The following CCDC201 variants were observed in gnomAD, a reference collection of about 807,000 sequenced individuals.
CCDC201 encodes the protein coiled-coil domain-containing protein 201.
chr7:45,884,951 G>C, the CCDC201 span, among the ~76,000 whole-genome samples: 1 of 152,160 alleles, frequency 6.6e-6, no homozygotes, highest in Admixed American at 6.5e-5. Flanking sequence ...TGCGGTCACT[G>C]TTGGGTGAGG....
chr7:45,870,424 A>G (rs1291218902), intron 1 of CCDC201, among the ~76,000 whole-genome samples: 1 of 152,238 alleles, frequency 6.6e-6, no homozygotes, highest in African/African-American at 2.4e-5. Context: ...CCAACTACAC[A>G]TTGCATACAG....
At chr7:45,863,672 G>A (rs1786629955) in intron 2 of CCDC201, among the ~76,000 whole-genome samples, 2 of 152,184 alleles carry the variant, frequency 1.3e-5, no homozygotes, top group African/African-American at 2.4e-5. Flanking sequence ...TAAACACGAT[G>A]CCAGGATGGA....
At chr7:45,875,340 C>T (rs996716891), upstream of CCDC201, among the ~76,000 whole-genome samples, 1 of 147,074 alleles carries the variant, frequency 6.8e-6, no homozygotes, top group Non-Finnish European at 1.5e-5. Flanking sequence ...ACTGAAAATA[C>T]AAAAATTAGC....
the CCDC201 span, among the ~76,000 whole-genome samples, chr7:45,879,620 A>G: frequency 6.6e-6 from 1 of 152,170 alleles, no homozygotes. Context: ...GTGTTAAACA[A>G]TTAGGAACTG....
At chr7:45,876,646 AG>A (rs1307650353), upstream of CCDC201, among the ~76,000 whole-genome samples, 2 of 152,260 alleles carry the variant, frequency 1.3e-5, no homozygotes, top group Non-Finnish European at 1.5e-5. Flanking sequence ...GGGCAGTGTA[AG>A]GATATTTTGT....
At chr7:45,867,155 G>T (rs572535075) in intron 1 of CCDC201, among the ~76,000 whole-genome samples, 3 of 152,214 alleles carry the variant, frequency 2.0e-5, no homozygotes, top group Admixed American at 2.0e-4. Flanking sequence ...TGCCTCTGCA[G>T]TGCCCCTTGA....
At chr7:45,883,270 G>C in the CCDC201 span, among the ~76,000 whole-genome samples, 2 of 151,998 alleles carry the variant, frequency 1.3e-5, no homozygotes, top group Non-Finnish European at 1.5e-5. Flanking sequence ...AACCAGGTGA[G>C]ACACACACAC....
At chr7:45,862,054 C>G (rs1197688347) in exon 3 of CCDC201, 1 of 152,266 alleles carries the variant, frequency 6.6e-6, no homozygotes, top group African/African-American at 2.4e-5. Flanking sequence ...GTATTACCTT[C>G]GTATTATTGA....
chr7:45,870,964 CAG>C (rs373963246), intron 1 of CCDC201, among the ~76,000 whole-genome samples: 195 of 152,290 alleles, frequency 1.3e-3, no homozygotes, highest in African/African-American at 3.7e-3. Context: ...TTTTATCAAA[CAG>C]AAACTGCAAG....
rs114041063 is a variant in CCDC201, at chr7:45,871,952, T to A, written c.18+1038A>T. Among the ~76,000 whole-genome samples the A allele has an allele frequency of 6.0e-3, 921 of 152,306 alleles. 10 individuals carry two copies. The highest frequency in any genetic ancestry group is 0.021 in the African/African-American group (866 of 41,562). The stretch of plus-strand genomic sequence containing the variant: ...AGTTTGGAAACTGGAACATCTTCTA[T>A]GGAAGGCAATTTGGTAGCACTCAAA... On this transcript the variant is annotated intron_variant, in intron 1 of 2. Transcript: ENST00000636578.
At chr7:45,876,603 C>T (rs988961822), upstream of CCDC201, among the ~76,000 whole-genome samples, 21 of 152,238 alleles carry the variant, frequency 1.4e-4, no homozygotes. Context: ...TCTCAGGTCT[C>T]TGTGACCTCC....
chr7:45,877,033 A>G (rs972783539), upstream of CCDC201, among the ~76,000 whole-genome samples: 3 of 152,206 alleles, frequency 2.0e-5, no homozygotes, highest in Non-Finnish European at 4.4e-5. Context: ...TTCAGAGCCC[A>G]GCTCTTGTCA....
At chr7:45,875,128 C>A (rs956791667), upstream of CCDC201, among the ~76,000 whole-genome samples, 1 of 152,092 alleles carries the variant, frequency 6.6e-6, no homozygotes, top group Admixed American at 6.5e-5. Flanking sequence ...ACACACACTA[C>A]AGAGAAGATG....
the CCDC201 span, among the ~76,000 whole-genome samples, chr7:45,879,290 C>A: frequency 6.6e-6 from 1 of 152,216 alleles, no homozygotes; most frequent in African/African-American, 2.4e-5. Context: ...CTGTTCCAAT[C>A]TCTGCCCCTT....
chr7:45,882,686 G>C, the CCDC201 span, among the ~76,000 whole-genome samples: 27 of 152,224 alleles, frequency 1.8e-4, no homozygotes, highest in Non-Finnish European at 3.4e-4. Flanking sequence ...GACACAATGG[G>C]ACTGCTATGA....
chr7:45,864,717 G>A (rs541695458), intron 2 of CCDC201, among the ~76,000 whole-genome samples: 43 of 152,124 alleles, frequency 2.8e-4, no homozygotes, highest in Non-Finnish European at 5.7e-4. Context: ...AGAACATGAG[G>A]GAGTGTGGCA....
the CCDC201 span, among the ~76,000 whole-genome samples, chr7:45,878,796 A>G: frequency 6.6e-6 from 1 of 152,152 alleles, no homozygotes; most frequent in Non-Finnish European, 1.5e-5. Context: ...ATTCACCTTT[A>G]CTTATGCAAA....
At chr7:45,876,900 C>G (rs562489603), upstream of CCDC201, among the ~76,000 whole-genome samples, 21 of 152,260 alleles carry the variant, frequency 1.4e-4, no homozygotes, top group Non-Finnish European at 2.8e-4. Flanking sequence ...GCAGGACACA[C>G]AGGCTCTGAA....
upstream of CCDC201, among the ~76,000 whole-genome samples, chr7:45,877,335 T>A (rs1437758406): frequency 6.6e-6 from 1 of 152,160 alleles, no homozygotes; most frequent in Non-Finnish European, 1.5e-5. Context: ...GTGCTCTAGG[T>A]TTCTTTTGAC....
Sources: gnomAD v4.1 joint callset for allele counts (sites outside exome capture counted in the v4.1 genomes callset) on GRCh38, gnomAD v4.1.1 for gene constraint, MANE v1.5 for transcripts, NCBI Gene and HGNC (gene_info 2026-07-23, HGNC 2026-07-21) for gene names.